Variants in CEP112 observed in about 807,000 individuals in gnomAD.
CEP112 encodes centrosomal protein 112, also known as centrosomal protein of 112 kDa.
Under a neutral mutation model 153.0 loss-of-function variants are expected in CEP112, and 127 were observed. The observed-to-expected ratio is 0.83, with a 90% confidence interval of 0.72 to 0.96. The LOEUF (loss-of-function observed/expected upper bound fraction) is 0.96, where lower values mean the gene tolerates loss of function less well. Among genes scored for constraint, CEP112 ranks in the 40% least tolerant of loss-of-function variants. The pLI is 0.00. For synonymous variants in CEP112, 358 were observed against 374.4 expected, an observed-to-expected ratio of 0.96 and a Z score of 0.51; for missense variants, 1,089 against 1,101.2, an observed-to-expected ratio of 0.99 and a Z score of 0.16.
intron 17 of CEP112, among the ~76,000 whole-genome samples, chr17:65,963,474 T>A (rs2062289573): frequency 6.6e-6 from 1 of 152,114 alleles, no homozygotes; most frequent in Admixed American, 6.5e-5. Context: ...AGAACGTACA[T>A]ATCATATATC....
At chr17:65,715,519 CG>C (rs1231955561) in intron 23 of CEP112, among the ~76,000 whole-genome samples, 1 of 150,932 alleles carries the variant, frequency 6.6e-6, no homozygotes, top group Non-Finnish European at 1.5e-5. Context: ...GGTGTGATCT[CG>C]GCTCACTGCA....
intron 20 of CEP112, among the ~76,000 whole-genome samples, chr17:65,866,917 A>G (rs1384225686): frequency 3.9e-5 from 6 of 152,114 alleles, no homozygotes; most frequent in African/African-American, 7.2e-5. Context: ...CTTCCTGGAC[A>G]CAGGACAAGA....
chr17:66,155,620 A>C (rs57343195), intron 4 of CEP112, among the ~76,000 whole-genome samples: 37,035 of 151,964 alleles, frequency 0.24, 4,721 homozygotes, highest in Middle Eastern at 0.36. Context: ...CCACCCCCAC[A>C]GAGCCCAACA....
intron 17 of CEP112, among the ~76,000 whole-genome samples, chr17:65,962,578 T>A (rs1452744136): frequency 6.6e-6 from 1 of 152,214 alleles, no homozygotes; most frequent in Non-Finnish European, 1.5e-5. Flanking sequence ...AGGCGCTGGG[T>A]ATTGTGCAAT....
chr17:65,916,248 AGAGTGT>A (rs916380661), intron 19 of CEP112, among the ~76,000 whole-genome samples: 7 of 106,254 alleles, frequency 6.6e-5, no homozygotes, highest in African/African-American at 2.6e-4. Flanking sequence ...GTTTTGAAAA[AGAGTGT>A]GTGTGTGTGT....
At chr17:65,860,201 T>C (rs1432415467) in intron 20 of CEP112, among the ~76,000 whole-genome samples, 1 of 151,064 alleles carries the variant, frequency 6.6e-6, no homozygotes, top group Non-Finnish European at 1.5e-5. Flanking sequence ...CATTTACAGC[T>C]ATGACAACAA....
chr17:65,836,034 TAA>T (rs995803763), intron 21 of CEP112, among the ~76,000 whole-genome samples: 2 of 152,198 alleles, frequency 1.3e-5, no homozygotes, highest in African/African-American at 4.8e-5. Flanking sequence ...TGTTCAAAGT[TAA>T]GTCACTATCA....
intron 4 of CEP112, among the ~76,000 whole-genome samples, chr17:66,161,680 C>G (rs1346553883): frequency 2.0e-5 from 3 of 151,662 alleles, no homozygotes; most frequent in Non-Finnish European, 2.9e-5. Context: ...CCGGGTCTGT[C>G]AGGGGATTGG....
chr17:66,063,577 A>C (rs2067005223), intron 10 of CEP112, among the ~76,000 whole-genome samples: 1 of 152,174 alleles, frequency 6.6e-6, no homozygotes, highest in African/African-American at 2.4e-5. Context: ...GGTACACCAA[A>C]GTCTCAGACT....
intron 4 of CEP112, among the ~76,000 whole-genome samples, chr17:66,144,818 G>C (rs1478285674): frequency 6.6e-6 from 1 of 152,168 alleles, no homozygotes; most frequent in Non-Finnish European, 1.5e-5. Context: ...GGGTTATTAT[G>C]AATAAAGCTG....
Position 66,026,264 on chromosome 17 carries a change from C to T in CEP112, c.1656+1237G>A, listed in dbSNP as rs566323731. On this transcript the variant is annotated intron_variant, in intron 16 of 26. Transcript: ENST00000535342. ...CATGTAAAAAAACTGCGCTTGTACC[C>T]GTTACATTCACACAAAAATTTTAAA... is the stretch of plus-strand genomic sequence containing the variant. Among the ~76,000 whole-genome samples the T allele has an allele frequency of 7.9e-5, 12 of 152,130 alleles. No individual in the cohort carries two copies. In the South Asian group the frequency reaches 1.5e-3, roughly 18 times the overall value.
At chr17:65,732,154 C>G (rs1306963525) in intron 23 of CEP112, among the ~76,000 whole-genome samples, 3 of 152,184 alleles carry the variant, frequency 2.0e-5, no homozygotes, top group Non-Finnish European at 4.4e-5. Context: ...GTTGAAATGA[C>G]TCCTGGATTA....
At chr17:65,837,954 AGGC>A (rs2057384580) in intron 21 of CEP112, among the ~76,000 whole-genome samples, 1 of 152,124 alleles carries the variant, frequency 6.6e-6, no homozygotes, top group Non-Finnish European at 1.5e-5. Flanking sequence ...ACACTGCGGA[AGGC>A]GGCAGGGCCC....
chr17:65,969,600 GAAT>G (rs2062566512), intron 17 of CEP112, among the ~76,000 whole-genome samples: 1 of 152,140 alleles, frequency 6.6e-6, no homozygotes, highest in African/African-American at 2.4e-5. Context: ...TTGCATGCAC[GAAT>G]ATTACATGTG....
intron 21 of CEP112, among the ~76,000 whole-genome samples, chr17:65,839,062 T>A (rs1011483532): frequency 5.3e-5 from 8 of 152,078 alleles, no homozygotes; most frequent in Non-Finnish European, 1.2e-4. Flanking sequence ...ACTGCTGAAT[T>A]CCACCAAACA....
At chr17:66,138,359 G>C (rs2070532622) in intron 4 of CEP112, among the ~76,000 whole-genome samples, 1 of 152,112 alleles carries the variant, frequency 6.6e-6, no homozygotes, top group South Asian at 2.1e-4. Flanking sequence ...TACTATCTGG[G>C]ATACCTGATG....
intron 2 of CEP112, among the ~76,000 whole-genome samples, chr17:66,179,677 A>C (rs548394518): frequency 1.3e-5 from 2 of 152,172 alleles, no homozygotes; most frequent in South Asian, 2.1e-4. Flanking sequence ...GATGCCCTTT[A>C]TTTCTTTCTC....
chr17:66,057,019 A>T (rs1301883314), intron 11 of CEP112, among the ~76,000 whole-genome samples: 1 of 152,240 alleles, frequency 6.6e-6, no homozygotes, highest in African/African-American at 2.4e-5. Context: ...AGTCTTTATC[A>T]TGAAAAGCCT....
chr17:66,162,760 G>GCA (rs2071766852), intron 4 of CEP112, among the ~76,000 whole-genome samples: 1 of 152,146 alleles, frequency 6.6e-6, no homozygotes, highest in East Asian at 1.9e-4. Context: ...TAAATGACTG[G>GCA]GAGAGAGCAA....
Sources: gnomAD v4.1 joint callset for allele counts (sites outside exome capture counted in the v4.1 genomes callset) on GRCh38, gnomAD v4.1.1 for gene constraint, MANE v1.5 for transcripts, NCBI Gene and HGNC (gene_info 2026-07-23, HGNC 2026-07-21) for gene names.